Variants in ERC2 observed in about 807,000 individuals in gnomAD.
The protein encoded by ERC2 is ELKS/RAB6-interacting/CAST family member 2.
Under a neutral mutation model 114.8 loss-of-function variants are expected in ERC2, and 42 were observed. That is an observed-to-expected ratio of 0.37 (90% CI 0.29 to 0.47). The LOEUF is 0.47. ERC2 is among the 20% of genes least tolerant of loss of function. The pLI, the probability that ERC2 is intolerant of heterozygous loss-of-function variation, is 0.99. For synonymous variants in ERC2, 454 were observed against 425.5 expected, an observed-to-expected ratio of 1.07 and a Z score of -0.82; for missense variants, 939 against 1,150.7, an observed-to-expected ratio of 0.82 and a Z score of 2.66.
At chr3:55,890,848 A>C (rs755976660) in intron 13 of ERC2, among the ~76,000 whole-genome samples, 3 of 152,242 alleles carry the variant, frequency 2.0e-5, no homozygotes, top group Non-Finnish European at 4.4e-5. Flanking sequence ...ACCGAGGACC[A>C]TGTGGGGCAC....
At chr3:55,511,971 G>A (rs1027554796) in intron 17 of ERC2, among the ~76,000 whole-genome samples, 1 of 152,222 alleles carries the variant, frequency 6.6e-6, no homozygotes, top group African/African-American at 2.4e-5. Flanking sequence ...AACTTTGTGT[G>A]CCTGTGCCAT....
intron 14 of ERC2, among the ~76,000 whole-genome samples, chr3:55,831,820 G>T (rs1379430716): frequency 6.6e-6 from 1 of 152,200 alleles, no homozygotes. Context: ...CACTCGGGAA[G>T]TGCAAGGGGC....
chr3:56,376,549 A>C (rs2059548596), intron 2 of ERC2, among the ~76,000 whole-genome samples: 1 of 152,014 alleles, frequency 6.6e-6, no homozygotes, highest in South Asian at 2.1e-4. Flanking sequence ...CAGATCAGAA[A>C]GTCAAGAGTT....
chr3:55,841,129 T>C (rs2061113441), intron 14 of ERC2, among the ~76,000 whole-genome samples: 1 of 152,346 alleles, frequency 6.6e-6, no homozygotes, highest in South Asian at 2.1e-4. Flanking sequence ...CATACCTAAA[T>C]AAATTTGTTA....
At chr3:55,660,055 C>G (rs2061055462) in intron 17 of ERC2, among the ~76,000 whole-genome samples, 1 of 151,938 alleles carries the variant, frequency 6.6e-6, no homozygotes, top group African/African-American at 2.4e-5. Flanking sequence ...TCACCTTATT[C>G]ATTACTGCAT....
chr3:56,177,697 T>G (rs1370050961), intron 3 of ERC2, among the ~76,000 whole-genome samples: 3 of 152,196 alleles, frequency 2.0e-5, no homozygotes, highest in Non-Finnish European at 4.4e-5. Flanking sequence ...AGCACTGTAC[T>G]AGAAGCCAAA....
At position 55,882,881 on chromosome 3, in the gene ERC2, C is replaced by T. The variant is rs1033854873; in HGVS notation, c.2564+5508G>A. On this transcript the variant is annotated intron_variant, in intron 14 of 17. Coordinates refer to ENST00000288221, the MANE Select transcript of ERC2 (RefSeq NM_015576.3). ...ATTACAGGAAAATACACCACACTTT[C>T]CATGTCCCTCCATGCCCCAAATAAA... is the stretch of plus-strand genomic sequence containing the variant. Among the ~76,000 whole-genome samples the T allele has an allele frequency of 2.6e-5, 4 of 152,222 alleles. No homozygotes were observed. In the South Asian group the frequency reaches 8.3e-4, roughly 32 times the overall value.
intron 3 of ERC2, among the ~76,000 whole-genome samples, chr3:56,226,681 C>T (rs2050268439): frequency 6.6e-6 from 1 of 152,030 alleles, no homozygotes; most frequent in Non-Finnish European, 1.5e-5. Flanking sequence ...CACCCTACTC[C>T]CAGGCTACAC....
chr3:55,553,255 T>C lies in ERC2; in HGVS notation c.*40-41979A>G, dbSNP rs557363673. On this transcript the variant is annotated intron_variant, in intron 17 of 17. Transcript: ENST00000288221. The stretch of plus-strand genomic sequence containing the variant: ...CATGCTGGTCTTGAACTTCTGACCT[T>C]GTGATCCACCTGCCTCAGCCTCCCA... Among the ~76,000 whole-genome samples the C allele has an allele frequency of 5.3e-5, 8 of 151,738 alleles. No individual in the cohort carries two copies. In the East Asian group the frequency reaches 1.4e-3, roughly 26 times the overall value.
chr3:55,722,993 A>T (rs2064674310), intron 15 of ERC2, among the ~76,000 whole-genome samples: 1 of 152,272 alleles, frequency 6.6e-6, no homozygotes, highest in Non-Finnish European at 1.5e-5. Context: ...AGAAAATAAC[A>T]TAAAAAATAA....
intron 6 of ERC2, among the ~76,000 whole-genome samples, chr3:56,127,852 A>G (rs1325386197): frequency 6.6e-6 from 1 of 152,202 alleles, no homozygotes; most frequent in Non-Finnish European, 1.5e-5. Flanking sequence ...AAAGATACGA[A>G]GTATACACAA....
At chr3:55,861,529 T>G (rs2062026963) in intron 14 of ERC2, among the ~76,000 whole-genome samples, 1 of 152,238 alleles carries the variant, frequency 6.6e-6, no homozygotes, top group African/African-American at 2.4e-5. Flanking sequence ...CATTTAAGCC[T>G]TTAACAGCCC....
chr3:56,229,830 T>C (rs946033752), intron 3 of ERC2, among the ~76,000 whole-genome samples: 5 of 151,064 alleles, frequency 3.3e-5, no homozygotes, highest in African/African-American at 1.2e-4. Flanking sequence ...CTCTATAGGT[T>C]AGATCATTTT....
chr3:55,763,079 A>G (rs2067554990), intron 14 of ERC2, among the ~76,000 whole-genome samples: 2 of 152,210 alleles, frequency 1.3e-5, no homozygotes. Context: ...GACTTGAGGA[A>G]TGACTTGGAT....
chr3:56,435,066 G>C lies in ERC2; in HGVS notation c.-59C>G. 7.4e-7 allele frequency: 1 copy of C among 1,342,344 alleles called. No individual in the cohort carries two copies. 83.2% of individuals were successfully genotyped at this position (1,342,344 alleles called of 1,614,324 possible). ...GAAATGCTATATTAAGTTGGGGTTT[G>C]AGCTAATATTTCCACGATTGTCCAG... On this transcript the variant is annotated 5_prime_UTR_variant, in exon 2 of 18. Coordinates refer to ENST00000288221, the MANE Select transcript of ERC2 (RefSeq NM_015576.3).
intron 3 of ERC2, among the ~76,000 whole-genome samples, chr3:56,205,634 G>A (rs2048679291): frequency 6.6e-6 from 1 of 152,236 alleles, no homozygotes; most frequent in East Asian, 1.9e-4. Flanking sequence ...CTGTGGGCAT[G>A]GCCACCGAAA....
At chr3:56,295,744 G>A (rs540271481) in intron 3 of ERC2, among the ~76,000 whole-genome samples, 1 of 152,292 alleles carries the variant, frequency 6.6e-6, no homozygotes, top group East Asian at 1.9e-4. Context: ...CCACCTGTGG[G>A]AAAGCAATTG....
At chr3:56,428,305 G>A (rs2061651994) in intron 2 of ERC2, among the ~76,000 whole-genome samples, 1 of 152,098 alleles carries the variant, frequency 6.6e-6, no homozygotes, top group Non-Finnish European at 1.5e-5. Context: ...CGGATCACCT[G>A]AGGTCAGGAG....
At chr3:55,511,421 G>C (rs528045120) in intron 17 of ERC2, 145 bp from the exon 18 acceptor site, 1 of 152,478 alleles carries the variant, frequency 6.6e-6, no homozygotes, top group Admixed American at 6.5e-5. Flanking sequence ...GAGTGGGGAG[G>C]GGGTAAGGGG....
Sources: allele counts gnomAD v4.1 joint callset (sites outside exome capture counted in the v4.1 genomes callset), GRCh38; gene constraint gnomAD v4.1.1; transcripts MANE v1.5; gene names NCBI Gene and HGNC (gene_info 2026-07-23, HGNC 2026-07-21).